Variants in COL22A1 observed in about 807,000 individuals in gnomAD.
COL22A1 encodes the protein collagen type XXII alpha 1 chain.
Under a neutral mutation model 248.9 loss-of-function variants are expected in COL22A1, and 221 were observed. The ratio of observed to expected loss-of-function variants is 0.89; its 90% CI spans 0.80 to 0.99. The LOEUF (loss-of-function observed/expected upper bound fraction) is 0.99, where lower values mean the gene tolerates loss of function less well. COL22A1 is among the 50% of genes least tolerant of loss of function. The probability of loss-of-function intolerance (pLI) is 0.00; values close to 1 mark genes in which losing one functional copy is unlikely to be tolerated. For missense variants in COL22A1, 2,240 were observed against 2,179.0 expected, an observed-to-expected ratio of 1.03 and a Z score of -0.56; for synonymous variants, 891 against 793.4, an observed-to-expected ratio of 1.12 and a Z score of -2.07.
intron 41 of COL22A1, among the ~76,000 whole-genome samples, chr8:138,669,444 C>G (rs1188954402): frequency 6.6e-6 from 1 of 152,182 alleles, no homozygotes; most frequent in Non-Finnish European, 1.5e-5. Context: ...CTGTGCAGAA[C>G]CAGAAACAGC....
At chr8:138,800,990 G>A (rs928553938) in intron 11 of COL22A1, among the ~76,000 whole-genome samples, 15 of 152,184 alleles carry the variant, frequency 9.9e-5, no homozygotes, top group African/African-American at 2.2e-4. Flanking sequence ...TAGGCCTCAC[G>A]TCACCGAGCT....
intron 1 of COL22A1, among the ~76,000 whole-genome samples, chr8:138,888,336 G>C (rs1222718455): frequency 6.6e-6 from 1 of 152,176 alleles, no homozygotes; most frequent in Non-Finnish European, 1.5e-5. Flanking sequence ...GACTATTTCA[G>C]GGGAAGGTCA....
At position 138,691,298 on chromosome 8, in the gene COL22A1, C is replaced by T. The variant is rs11985682; in HGVS notation, c.2755-424G>A. 9.8e-3 allele frequency among the ~76,000 whole-genome samples: 1,494 copies of T among 152,188 alleles called. 26 individuals are homozygous for T. Among genetic ancestry groups the T allele is most frequent in the African/African-American group, 0.034 (1,431 of 41,530 alleles). ...TTGCATATGTATGTGTATGTGTGCA[C>T]GTGCGTGTGTGCAGGTTTGTGGAAG... is the stretch of plus-strand genomic sequence containing the variant. On this transcript the variant is annotated intron_variant, in intron 35 of 64. Coordinates refer to ENST00000303045, the MANE Select transcript of COL22A1 (RefSeq NM_152888.3).
chr8:138,769,364 C>G (rs1012261608), intron 16 of COL22A1, among the ~76,000 whole-genome samples: 2 of 152,196 alleles, frequency 1.3e-5, no homozygotes, highest in African/African-American at 4.8e-5. Context: ...CCCACCCACC[C>G]AATTATGTTA....
At chr8:138,688,793 A>G in intron 37 of COL22A1, 124 bp downstream of exon 37, 2 of 764,486 alleles carry the variant, frequency 2.6e-6, no homozygotes, top group Non-Finnish European at 2.3e-6. Context: ...TCTCCCTCCT[A>G]CTTAGTAAAC....
intron 4 of COL22A1, among the ~76,000 whole-genome samples, chr8:138,842,893 G>A (rs1033369001): frequency 2.0e-5 from 3 of 152,208 alleles, no homozygotes; most frequent in Non-Finnish European, 4.4e-5. Context: ...GAAAGTGCCA[G>A]TAGTTTATTG....
At chr8:138,628,622 G>T (rs777816526) in intron 50 of COL22A1, among the ~76,000 whole-genome samples, 1 of 152,192 alleles carries the variant, frequency 6.6e-6, no homozygotes, top group Non-Finnish European at 1.5e-5. Context: ...CTGGTTTGAT[G>T]GTTATGGTAA....
At chr8:138,700,038 G>A (rs373048713) in intron 32 of COL22A1, 74 bp downstream of exon 32, 7 of 1,423,368 alleles carry the variant, frequency 4.9e-6, no homozygotes, top group Non-Finnish European at 4.9e-6. Flanking sequence ...CCCAGTCCAG[G>A]CTCCCAGGCC....
At chr8:138,844,319 T>C (rs1265791424) in intron 3 of COL22A1, among the ~76,000 whole-genome samples, 161 bp from the exon 4 acceptor site, 1 of 152,236 alleles carries the variant, frequency 6.6e-6, no homozygotes, top group Admixed American at 6.5e-5. Context: ...CACTCACTCA[T>C]GTTTTCATTT....
rs776176774 is a variant in COL22A1 at position 138,598,740 on chromosome 8, C to A, written c.4344G>T (p.Gln1448His). Residue 1448 changes from glutamine (Q) to histidine (H), a missense_variant, in exon 61 of 65, where the codon CAG (glutamine) becomes CAT (histidine). Gln to His is a conservative substitution (Grantham distance 24, BLOSUM62 0). Transcript: ENST00000303045. ...GPVGPPGPPG[Q>H]PGFPGLRGES... ...TTACCCTCAGTCCTGGAAATCCCGGCTGGCCTGGAGGCCCTGGGGGTCCAA... is the reference window on the plus strand; with the variant it reads ...TTACCCTCAGTCCTGGAAATCCCGGATGGCCTGGAGGCCCTGGGGGTCCAA... 1.2e-6 allele frequency: 2 copies of A among 1,613,618 alleles called. No individual in the cohort carries two copies. Among genetic ancestry groups the A allele is most frequent in the East Asian group, 2.2e-5 (1 of 44,876 alleles).
chr8:138,888,467 G>A (rs914350580), intron 1 of COL22A1, among the ~76,000 whole-genome samples: 3 of 152,332 alleles, frequency 2.0e-5, no homozygotes, highest in Non-Finnish European at 4.4e-5. Flanking sequence ...GTGGGCCAGA[G>A]TGTGGTACTT....
chr8:138,629,252 G>A (rs577344851), intron 50 of COL22A1, among the ~76,000 whole-genome samples: 1 of 152,166 alleles, frequency 6.6e-6, no homozygotes, highest in Non-Finnish European at 1.5e-5. Context: ...TGCCTCCCAG[G>A]TTCAAGCGAT....
intron 48 of COL22A1, 135 bp from the exon 49 acceptor site, chr8:138,635,198 A>G: frequency 1.6e-6 from 1 of 615,768 alleles, no homozygotes; most frequent in Non-Finnish European, 2.8e-6. Context: ...AGACACTGAC[A>G]ATAAAAGGGA....
At chr8:138,646,879 T>C (rs1471646540) in intron 46 of COL22A1, among the ~76,000 whole-genome samples, 197 bp from the exon 47 acceptor site, 1 of 152,134 alleles carries the variant, frequency 6.6e-6, no homozygotes, top group Admixed American at 6.5e-5. Flanking sequence ...TGTGCAACCA[T>C]GGCATGACCC....
chr8:138,887,762 A>AG (rs1404995404), intron 1 of COL22A1, among the ~76,000 whole-genome samples: 1 of 152,174 alleles, frequency 6.6e-6, no homozygotes, highest in Non-Finnish European at 1.5e-5. Flanking sequence ...AAAAACACTT[A>AG]GGGGGTCATA....
chr8:138,654,184 T>C lies in COL22A1; in HGVS notation c.3333+1713A>G, dbSNP rs369494377. Among the ~76,000 whole-genome samples, 24 of 152,254 alleles carry C rather than the reference T, an allele frequency of 1.6e-4. 1 individual carries two copies. Among genetic ancestry groups the C allele is most frequent in the East Asian group, 1.2e-3 (6 of 5,166 alleles). Reference sequence around the variant, plus strand: ...CTGGGTGAGGGGTCAGGGGTGGAGATGGCTGGTGGCTGATGAAAACCTAGC... The same window carrying C: ...CTGGGTGAGGGGTCAGGGGTGGAGACGGCTGGTGGCTGATGAAAACCTAGC... On this transcript the variant is annotated intron_variant, in intron 45 of 64. Transcript: ENST00000303045.
At chr8:138,619,431 TC>T in intron 53 of COL22A1, 23 bp downstream of exon 53, 3 of 1,611,768 alleles carry the variant, frequency 1.9e-6, no homozygotes, top group Non-Finnish European at 2.5e-6. Context: ...GTTCTACCGT[TC>T]CCCACACACA....
intron 36 of COL22A1, 74 bp from the exon 37 acceptor site, chr8:138,689,044 G>T: frequency 8.1e-7 from 1 of 1,232,128 alleles, no homozygotes; most frequent in Non-Finnish European, 1.2e-6. Flanking sequence ...TGACCCCCAG[G>T]GAAGAATCAT....
In COL22A1 at chr8:138,646,680, T is replaced by G; in HGVS notation, c.3450A>C (p.Gly1150=). The change falls in exon 47 of 65, where the codon GGA becomes GGC. Residue 1150 remains glycine, a splice_region_variant and synonymous_variant. Coordinates refer to ENST00000303045, the MANE Select transcript of COL22A1 (RefSeq NM_152888.3). ...PGREGTEGKK[G]EAGPPGLPGP... ...CTGGTAGGCCTGGAGGCCCAGCCTC[T>G]CCCTGTATCAGGGATACAAGAAAAA... The G allele has an allele frequency of 7.6e-6, 12 of 1,576,996 alleles. No individual in the cohort carries two copies. The highest frequency in any genetic ancestry group is 1.0e-5 in the Non-Finnish European group (12 of 1,160,674).
Sources: gnomAD v4.1 joint callset for allele counts (sites outside exome capture counted in the v4.1 genomes callset) on GRCh38, gnomAD v4.1.1 for gene constraint, MANE v1.5 for transcripts, NCBI Gene and HGNC (gene_info 2026-07-23, HGNC 2026-07-21) for gene names.